The following MTMR7 variants were observed in gnomAD, a reference collection of about 807,000 sequenced individuals.
MTMR7 encodes phosphatidylinositol-3-phosphate phosphatase MTMR7.
In MTMR7, 76 loss-of-function variants were observed where a neutral mutation model predicts 81.2. The ratio of observed to expected loss-of-function variants is 0.94; its 90% CI spans 0.78 to 1.13. MTMR7 has a LOEUF of 1.13. MTMR7 is among the 50% of genes most tolerant of loss of function. The probability of loss-of-function intolerance (pLI) is 0.00; values close to 1 mark genes in which losing one functional copy is unlikely to be tolerated. For missense variants in MTMR7, 1,044 were observed against 820.0 expected (o/e 1.27, Z -3.34); for synonymous variants, 372 against 289.8 (o/e 1.28, Z -2.88).
At chr8:17,376,974 C>G (rs940039286) in intron 1 of MTMR7, among the ~76,000 whole-genome samples, 1 of 151,986 alleles carries the variant, frequency 6.6e-6, no homozygotes, top group East Asian at 1.9e-4. Context: ...ATCACGACTA[C>G]GTAATTCATA....
chr8:17,306,974 C>A (rs59354233), intron 10 of MTMR7, among the ~76,000 whole-genome samples: 2 of 152,144 alleles, frequency 1.3e-5, no homozygotes, highest in Non-Finnish European at 2.9e-5. Flanking sequence ...AGGACATAGG[C>A]ATGGGCAAGG....
intron 1 of MTMR7, among the ~76,000 whole-genome samples, chr8:17,395,897 A>G (rs1290440448): frequency 6.6e-6 from 1 of 152,200 alleles, no homozygotes; most frequent in Non-Finnish European, 1.5e-5. Flanking sequence ...ATTACAAAGG[A>G]GCCATCCAGT....
Position 17,299,952 on chromosome 8 carries a change from G to T in MTMR7, c.1893C>A (p.Ser631Arg). The T allele has an allele frequency of 1.2e-6, 2 of 1,614,122 alleles. No individual in the cohort carries two copies. Among genetic ancestry groups the T allele is most frequent in the East Asian group, 2.2e-5 (1 of 44,870 alleles). ...GCTCACCACCACTTGGAGACCGACA[G>T]CTCAAATCCTCCACCCCGGACTCTT... ...SDQESGVEDLSCRSPSGGEHA... is the reference protein window; with the variant it reads ...SDQESGVEDLRCRSPSGGEHA... The change falls in exon 14 of 14, where the codon AGC becomes AGA. Residue 631 changes from serine to arginine, a missense_variant. Coordinates refer to ENST00000180173, the MANE Select transcript of MTMR7 (RefSeq NM_004686.5).
At chr8:17,372,307 A>G (rs1026396493) in intron 2 of MTMR7, among the ~76,000 whole-genome samples, 1 of 152,178 alleles carries the variant, frequency 6.6e-6, no homozygotes, top group Non-Finnish European at 1.5e-5. Context: ...AAGGCCACAC[A>G]CGGTGGCTCA....
intron 1 of MTMR7, among the ~76,000 whole-genome samples, chr8:17,406,279 T>C (rs1821580138): frequency 6.6e-6 from 1 of 152,176 alleles, no homozygotes; most frequent in Non-Finnish European, 1.5e-5. Context: ...CCAGATTACA[T>C]AATTTTGCAA....
rs149259906 is a variant in MTMR7, at chr8:17,370,435, G to T, written c.310+602C>A. On this transcript the variant is annotated intron_variant, in intron 3 of 13. Transcript: ENST00000180173. ...CTTGGGAGGCTAAGGCATGAGAATC[G>T]CTTGAACCCAGGAGGCAGAGGTTGC... 8.5e-3 allele frequency among the ~76,000 whole-genome samples: 1,293 copies of T among 151,286 alleles called. 18 individuals carry two copies. Among genetic ancestry groups the T allele is most frequent in the African/African-American group, 0.03 (1,220 of 41,200 alleles).
chr8:17,335,266 C>G (rs187916156), intron 6 of MTMR7, among the ~76,000 whole-genome samples: 3 of 152,228 alleles, frequency 2.0e-5, no homozygotes, highest in East Asian at 3.9e-4. Context: ...CATCCGTATC[C>G]TTCAAACCGG....
At chr8:17,385,640 G>C (rs1475704900) in intron 1 of MTMR7, among the ~76,000 whole-genome samples, 1 of 152,176 alleles carries the variant, frequency 6.6e-6, no homozygotes, top group East Asian at 1.9e-4. Flanking sequence ...AGCAGCATGA[G>C]AACACACTAA....
At position 17,299,928 on chromosome 8, in the gene MTMR7, C is replaced by G. The variant is rs769029644; in HGVS notation, c.1917G>C (p.Glu639Asp). The change falls in exon 14 of 14, where the codon GAG becomes GAC. Residue 639 changes from glutamate (E) to aspartate (D), a missense_variant. Transcript: ENST00000180173. ...TGCCACTATCTTCACTCGGTGCATG[C>G]TCACCACCACTTGGAGACCGACAGC... ...DLSCRSPSGG[E>D]HAPSEDSGKD... is the part of the protein sequence containing the mutation. 1.2e-6 allele frequency: 2 copies of G among 1,614,044 alleles called. No individual in the cohort carries two copies. The highest frequency in any genetic ancestry group is 1.7e-6 in the Non-Finnish European group (2 of 1,180,014).
chr8:17,380,420 A>G (rs1212416325), intron 1 of MTMR7, among the ~76,000 whole-genome samples: 3 of 152,144 alleles, frequency 2.0e-5, no homozygotes, highest in Non-Finnish European at 4.4e-5. Flanking sequence ...TTGAGACTTG[A>G]CAAACTTTCC....
intron 1 of MTMR7, among the ~76,000 whole-genome samples, chr8:17,379,406 C>G (rs1820692960): frequency 6.6e-6 from 1 of 152,174 alleles, no homozygotes; most frequent in Non-Finnish European, 1.5e-5. Context: ...CACGTCAAGA[C>G]ATTTGAAGGA....
intron 1 of MTMR7, among the ~76,000 whole-genome samples, chr8:17,404,629 G>C (rs746994710): frequency 6.6e-6 from 1 of 151,994 alleles, no homozygotes; most frequent in Non-Finnish European, 1.5e-5. Flanking sequence ...GTATTCCTCT[G>C]CCATACTAGC....
In MTMR7 at chr8:17,413,329, G is replaced by A. The variant is rs1378888116; in HGVS notation, c.-37C>T. On this transcript the variant is annotated 5_prime_UTR_variant, in exon 1 of 14. Coordinates refer to ENST00000180173, the MANE Select transcript of MTMR7 (RefSeq NM_004686.5). ...GTCTGCAGGGTCCCGGGCGGGCGCGGCCTCACGCACCTGCGCGCCTCTGCG... is the reference window on the plus strand; with the variant it reads ...GTCTGCAGGGTCCCGGGCGGGCGCGACCTCACGCACCTGCGCGCCTCTGCG... The A allele has an allele frequency of 2.0e-6, 3 of 1,516,806 alleles. No homozygotes were observed. In the South Asian group the frequency reaches 3.7e-5, roughly 19 times the overall value. The allele number at this position is 1,516,806 out of a possible 1,614,324, so 94.0% of individuals were successfully genotyped here.
chr8:17,311,904 C>T (rs1311682910), intron 8 of MTMR7: 7 of 377,822 alleles, frequency 1.9e-5, no homozygotes, highest in Admixed American at 8.2e-5. Context: ...CATAAGCATT[C>T]GTCCTATGCA....
At chr8:17,412,892 T>G (rs1821774136) in intron 1 of MTMR7, among the ~76,000 whole-genome samples, 1 of 152,142 alleles carries the variant, frequency 6.6e-6, no homozygotes, top group South Asian at 2.1e-4. Flanking sequence ...ACCGAAAGGC[T>G]TATTTCCCTT....
At chr8:17,320,937 G>A (rs190183542) in intron 7 of MTMR7, among the ~76,000 whole-genome samples, 37 of 152,212 alleles carry the variant, frequency 2.4e-4, no homozygotes, top group African/African-American at 7.5e-4. Context: ...ATTCCACTGC[G>A]TGAAGTCTCA....
intron 10 of MTMR7, among the ~76,000 whole-genome samples, chr8:17,307,205 C>A (rs1286876820): frequency 9.2e-5 from 14 of 152,164 alleles, no homozygotes; most frequent in Admixed American, 2.6e-4. Flanking sequence ...AAAAAACAAC[C>A]CCATCAAAAA....
chr8:17,374,680 G>T (rs766881853), intron 1 of MTMR7, among the ~76,000 whole-genome samples: 1 of 152,078 alleles, frequency 6.6e-6, no homozygotes, highest in Non-Finnish European at 1.5e-5. Flanking sequence ...TGGGGTGGTA[G>T]CAGGTGCCTG....
At chr8:17,401,864 A>G (rs1401475492) in intron 1 of MTMR7, among the ~76,000 whole-genome samples, 1 of 152,126 alleles carries the variant, frequency 6.6e-6, no homozygotes, top group Non-Finnish European at 1.5e-5. Flanking sequence ...AGATATACAA[A>G]TTATTTTAAT....
Sources: gnomAD v4.1 joint callset for allele counts (sites outside exome capture counted in the v4.1 genomes callset) on GRCh38, gnomAD v4.1.1 for gene constraint, MANE v1.5 for transcripts, NCBI Gene and HGNC (gene_info 2026-07-23, HGNC 2026-07-21) for gene names.